The following SND1 variants were observed in gnomAD, a reference collection of about 807,000 sequenced individuals.
SND1 encodes the protein staphylococcal nuclease and tudor domain containing 1.
Under a neutral mutation model 121.7 loss-of-function variants are expected in SND1, and 38 were observed. That is an observed-to-expected ratio of 0.31 (90% CI 0.24 to 0.41). The LOEUF (loss-of-function observed/expected upper bound fraction) is 0.41. Ranked by LOEUF, SND1 falls within the 10% of genes least tolerant of loss-of-function variation. The pLI is 1.00. For synonymous variants in SND1, 401 were observed against 447.4 expected (o/e 0.90, Z 1.31); for missense variants, 868 against 1,184.6 (o/e 0.73, Z 3.92).
intron 10 of SND1, among the ~76,000 whole-genome samples, chr7:127,802,302 A>G (rs1798147187): frequency 6.6e-6 from 1 of 152,132 alleles, no homozygotes; most frequent in South Asian, 2.1e-4. Context: ...TCAAGGGTCA[A>G]CTGTTCTTGC....
rs542894239 is a variant in SND1, at chr7:128,088,609, C to T, written c.2419-880C>T. Among the ~76,000 whole-genome samples the T allele has an allele frequency of 1.7e-4, 26 of 151,988 alleles. 1 individual carries two copies. The highest frequency in any genetic ancestry group is 4.2e-4 in the South Asian group (2 of 4,800). On this transcript the variant is annotated intron_variant, in intron 21 of 23. Coordinates refer to ENST00000354725, the MANE Select transcript of SND1 (RefSeq NM_014390.4). ...CTGGGATTATAAGTGCCCGCCACCA[C>T]GCCCAGCTAATTTTTGTATTTTCAG...
intron 12 of SND1, among the ~76,000 whole-genome samples, chr7:127,863,781 TC>T (rs1194755648): frequency 6.6e-6 from 1 of 152,282 alleles, no homozygotes; most frequent in East Asian, 1.9e-4. Flanking sequence ...TCATATGGTC[TC>T]CCTTGCAGCT....
At chr7:127,717,896 C>T (rs1459919379) in intron 9 of SND1, among the ~76,000 whole-genome samples, 1 of 152,142 alleles carries the variant, frequency 6.6e-6, no homozygotes, top group Non-Finnish European at 1.5e-5. Flanking sequence ...CAGCCCGTTG[C>T]ACCCAGTGAG....
chr7:127,852,206 A>C (rs1005906408), intron 12 of SND1, among the ~76,000 whole-genome samples: 1 of 151,416 alleles, frequency 6.6e-6, no homozygotes, highest in African/African-American at 2.4e-5. Flanking sequence ...ATAAATAAAA[A>C]AAATAATCCT....
At chr7:127,704,781 G>A in intron 7 of SND1, 58 bp from the exon 8 acceptor site, 1 of 1,360,894 alleles carries the variant, frequency 7.3e-7, no homozygotes, top group Non-Finnish European at 1.0e-6. Flanking sequence ...CTAGAGAAAT[G>A]GATTCTTTTA....
At chr7:127,710,881 T>C (rs980520423) in intron 9 of SND1, among the ~76,000 whole-genome samples, 10 of 152,238 alleles carry the variant, frequency 6.6e-5, no homozygotes, top group African/African-American at 2.4e-4. Flanking sequence ...AGTTAGTTAA[T>C]AGTCAGTATT....
intron 16 of SND1, among the ~76,000 whole-genome samples, chr7:128,053,169 G>T (rs916126632): frequency 6.6e-6 from 1 of 152,200 alleles, no homozygotes; most frequent in Non-Finnish European, 1.5e-5. Context: ...TTTGGCAGAG[G>T]TTCTATGTTT....
intron 15 of SND1, among the ~76,000 whole-genome samples, chr7:127,959,428 G>C (rs1488142197): frequency 6.6e-6 from 1 of 152,122 alleles, no homozygotes; most frequent in African/African-American, 2.4e-5. Flanking sequence ...GTGCAAGCTG[G>C]GTTCTTACTG....
intron 12 of SND1, chr7:127,858,035 CCA>C: frequency 7.0e-7 from 1 of 1,422,562 alleles, no homozygotes; most frequent in Non-Finnish European, 9.9e-7. Context: ...CACATCACAT[CCA>C]CCAGACCATC....
chr7:127,777,154 G>A (rs929236820), intron 10 of SND1, among the ~76,000 whole-genome samples: 3 of 152,194 alleles, frequency 2.0e-5, no homozygotes, highest in Admixed American at 2.0e-4. Context: ...AGGCAAAGCT[G>A]TTCCACTGCA....
At chr7:128,071,164 T>TG (rs1478497354) in intron 16 of SND1, among the ~76,000 whole-genome samples, 1 of 152,218 alleles carries the variant, frequency 6.6e-6, no homozygotes, top group East Asian at 1.9e-4. Flanking sequence ...AGAAGATACA[T>TG]GTGTTAGATA....
intron 16 of SND1, among the ~76,000 whole-genome samples, chr7:128,048,050 G>A (rs1450936590): frequency 6.6e-6 from 1 of 152,060 alleles, no homozygotes; most frequent in Non-Finnish European, 1.5e-5. Context: ...GTTTCACCAT[G>A]TTGGCCAGGC....
In SND1 at chr7:127,707,605, C is replaced by T; in HGVS notation, c.996C>T (p.Pro332=). The change falls in exon 9 of 24, where the codon CCC becomes CCT. Residue 332 remains proline, a synonymous_variant. Transcript: ENST00000354725. Reference sequence around the variant, plus strand: ...GAATATGGAGAGACTATGTGGCTCCCACAGCTAATTTGGACCAAAAGGACA... The same window carrying T: ...GAATATGGAGAGACTATGTGGCTCCTACAGCTAATTTGGACCAAAAGGACA... ...RLRIWRDYVA[P]TANLDQKDKQ... The T allele has an allele frequency of 6.2e-7, 1 of 1,614,072 alleles. No individual in the cohort carries two copies. Among genetic ancestry groups the T allele is most frequent in the Non-Finnish European group, 8.5e-7 (1 of 1,179,970 alleles).
intron 10 of SND1, among the ~76,000 whole-genome samples, chr7:127,801,209 C>T (rs971792285): frequency 6.6e-6 from 1 of 152,166 alleles, no homozygotes; most frequent in African/African-American, 2.4e-5. Context: ...AGTATTTAAC[C>T]TTTTTATACT....
In SND1 at chr7:127,847,266, T is replaced by C. The variant is rs183576911; in HGVS notation, c.1343+2842T>C. On this transcript the variant is annotated intron_variant, in intron 12 of 23. Coordinates refer to ENST00000354725, the MANE Select transcript of SND1 (RefSeq NM_014390.4). ...CAGCCTGGGCAATAGAGTGAGACTT[T>C]GTCTCAAAAAACAAACAAACAAACA... Among the ~76,000 whole-genome samples, 891 of 152,250 alleles carry C rather than the reference T, an allele frequency of 5.9e-3. 16 individuals carry two copies. Among genetic ancestry groups the C allele is most frequent in the African/African-American group, 0.02 (849 of 41,558 alleles).
chr7:127,693,091 A>G (rs756471521), intron 2 of SND1, among the ~76,000 whole-genome samples: 3 of 152,240 alleles, frequency 2.0e-5, no homozygotes, highest in Admixed American at 6.5e-5. Context: ...ACTCAGGACT[A>G]CATCTTAAAC....
At chr7:127,988,099 T>C (rs1389613487) in intron 15 of SND1, among the ~76,000 whole-genome samples, 1 of 152,230 alleles carries the variant, frequency 6.6e-6, no homozygotes, top group East Asian at 1.9e-4. Flanking sequence ...CAGGTGTTTG[T>C]ACCCATATGT....
chr7:127,729,965 A>AT (rs765933435), intron 10 of SND1, among the ~76,000 whole-genome samples: 1 of 151,928 alleles, frequency 6.6e-6, no homozygotes, highest in African/African-American at 2.4e-5. Flanking sequence ...ACAGCTCTTT[A>AT]TTTATTTATT....
At chr7:127,685,497 G>A (rs1795796666) in intron 1 of SND1, among the ~76,000 whole-genome samples, 1 of 152,208 alleles carries the variant, frequency 6.6e-6, no homozygotes, top group African/African-American at 2.4e-5. Context: ...TGTATTGTGA[G>A]TCTCTTCGCA....
Sources: gnomAD v4.1 joint callset for allele counts (sites outside exome capture counted in the v4.1 genomes callset) on GRCh38, gnomAD v4.1.1 for gene constraint, MANE v1.5 for transcripts, NCBI Gene and HGNC (gene_info 2026-07-23, HGNC 2026-07-21) for gene names.